The following FHIT variants were observed in gnomAD, a reference collection of about 807,000 sequenced individuals.
The protein encoded by FHIT is fragile histidine triad diadenosine triphosphatase.
In FHIT, 19 loss-of-function variants were observed where a neutral mutation model predicts 17.9. The ratio of observed to expected loss-of-function variants is 1.06; its 90% CI spans 0.74 to 1.56. The LOEUF (loss-of-function observed/expected upper bound fraction) is 1.56, where lower values mean the gene tolerates loss of function less well. FHIT is among the 40% of genes most tolerant of loss of function. The pLI, the probability that FHIT is intolerant of heterozygous loss-of-function variation, is 0.00. For missense variants in FHIT, 248 were observed against 189.2 expected (o/e 1.31, Z -1.82); for synonymous variants, 81 against 69.7 (o/e 1.16, Z -0.81).
chr3:60,604,400 C>T (rs1451807804), intron 4 of FHIT, among the ~76,000 whole-genome samples: 3 of 152,098 alleles, frequency 2.0e-5, no homozygotes, highest in African/African-American at 7.2e-5. Context: ...ACAAAGAAAT[C>T]AGTAATTAGA....
intron 2 of FHIT, among the ~76,000 whole-genome samples, chr3:61,043,007 AG>A (rs2033597235): frequency 6.6e-6 from 1 of 152,174 alleles, no homozygotes; most frequent in Admixed American, 6.5e-5. Context: ...ATGGCCGAAT[AG>A]GAACAACTCC....
chr3:61,239,776 T>C (rs879908363), intron 1 of FHIT, among the ~76,000 whole-genome samples: 7 of 138,594 alleles, frequency 5.1e-5, no homozygotes, highest in African/African-American at 1.1e-4. Context: ...TATATATATA[T>C]ATATATATAC....
chr3:59,842,318 C>G (rs560843451), intron 8 of FHIT, among the ~76,000 whole-genome samples: 5 of 152,166 alleles, frequency 3.3e-5, no homozygotes, highest in Non-Finnish European at 5.9e-5. Context: ...TCAATGGATA[C>G]TGAGTTGCTT....
At chr3:61,154,995 C>CAAT (rs1161674628) in intron 2 of FHIT, among the ~76,000 whole-genome samples, 1 of 152,212 alleles carries the variant, frequency 6.6e-6, no homozygotes, top group African/African-American at 2.4e-5. Flanking sequence ...CTGCCAAAGG[C>CAAT]AATACTCCCA....
At chr3:59,750,978 T>G (rs76124633) in intron 9 of FHIT, 2,102 of 185,872 alleles carry the variant, frequency 0.011, 45 homozygotes, top group African/African-American at 0.046. Context: ...ACATATTTAT[T>G]CACAGGTCAG....
chr3:60,061,485 C>G (rs570891404), intron 5 of FHIT, among the ~76,000 whole-genome samples: 1 of 152,324 alleles, frequency 6.6e-6, no homozygotes, highest in South Asian at 2.1e-4. Context: ...GGGTTTTTCA[C>G]ATTCCAAAAT....
chr3:59,982,171 G>C lies in FHIT; in HGVS notation c.279+29200C>G, dbSNP rs574718588. ...GTCTCTTTTCTCAAGCACTGCCTTA[G>C]CTTGTGAAGATGAGAGTGAGGAAGA... On this transcript the variant is annotated intron_variant, in intron 7 of 9. Coordinates refer to ENST00000492590, the MANE Select transcript of FHIT (RefSeq NM_002012.4). 3.3e-5 allele frequency among the ~76,000 whole-genome samples: 5 copies of C among 152,276 alleles called. No individual in the cohort carries two copies. The South Asian group carries it at 1.0e-3, about 32-fold the overall frequency.
intron 4 of FHIT, among the ~76,000 whole-genome samples, chr3:60,538,652 C>G (rs2036073445): frequency 6.6e-6 from 1 of 152,192 alleles, no homozygotes; most frequent in Non-Finnish European, 1.5e-5. Context: ...CTACAACTAT[C>G]TGATCTTTGA....
chr3:60,090,878 TC>T (rs1703702898), intron 5 of FHIT, among the ~76,000 whole-genome samples: 1 of 152,114 alleles, frequency 6.6e-6, no homozygotes, highest in Non-Finnish European at 1.5e-5. Context: ...CGGGGTAAGG[TC>T]CGCAAGGTGG....
intron 2 of FHIT, among the ~76,000 whole-genome samples, chr3:61,173,598 C>T (rs1336852439): frequency 6.6e-6 from 1 of 152,124 alleles, no homozygotes; most frequent in African/African-American, 2.4e-5. Context: ...TCTCATTTTC[C>T]AACAAGCTTT....
intron 3 of FHIT, among the ~76,000 whole-genome samples, chr3:60,953,573 C>T (rs1708984323): frequency 6.6e-6 from 1 of 152,264 alleles, no homozygotes; most frequent in East Asian, 1.9e-4. Flanking sequence ...GACTTGGCAG[C>T]TCCTTTTATC....
intron 8 of FHIT, among the ~76,000 whole-genome samples, chr3:59,873,861 T>C (rs1409035242): frequency 1.3e-5 from 2 of 152,164 alleles, no homozygotes; most frequent in Non-Finnish European, 2.9e-5. Flanking sequence ...ACAAACTAGA[T>C]TGGTTCCCTG....
chr3:61,099,446 A>G (rs113259291), intron 2 of FHIT, among the ~76,000 whole-genome samples: 8,601 of 152,148 alleles, frequency 0.057, 337 homozygotes, highest in Middle Eastern at 0.17. Flanking sequence ...TGAGTTAGGG[A>G]GGAGTCCCTC....
intron 3 of FHIT, among the ~76,000 whole-genome samples, chr3:60,985,740 G>A (rs527301652): frequency 6.6e-6 from 1 of 152,336 alleles, no homozygotes; most frequent in African/African-American, 2.4e-5. Context: ...ATTCCCAGGT[G>A]CGTTAGCTTC....
intron 4 of FHIT, among the ~76,000 whole-genome samples, chr3:60,672,874 C>CGTATGTGT (rs1553694317): frequency 7.2e-6 from 1 of 139,478 alleles, no homozygotes; most frequent in Non-Finnish European, 1.5e-5. Context: ...CTCTTTGTAG[C>CGTATGTGT]GTGTGTGTGT....
chr3:60,271,845 T>C (rs917259377), intron 5 of FHIT, among the ~76,000 whole-genome samples: 2 of 152,226 alleles, frequency 1.3e-5, no homozygotes, highest in South Asian at 4.1e-4. Flanking sequence ...GAGCAGATAG[T>C]AGAGGCTCCA....
intron 8 of FHIT, among the ~76,000 whole-genome samples, chr3:59,899,242 G>A (rs1373361901): frequency 2.0e-5 from 3 of 152,212 alleles, no homozygotes; most frequent in African/African-American, 7.2e-5. Flanking sequence ...AGATGATGTA[G>A]GTCAAACACT....
At chr3:59,836,879 A>G (rs1701357788) in intron 8 of FHIT, among the ~76,000 whole-genome samples, 1 of 152,202 alleles carries the variant, frequency 6.6e-6, no homozygotes, top group Non-Finnish European at 1.5e-5. Context: ...CTGCAAAGGC[A>G]GAATGGCCCA....
rs568256726 is a variant in FHIT, at chr3:60,547,478, G to C, written c.-17-10499C>G. 3.3e-5 allele frequency among the ~76,000 whole-genome samples: 5 copies of C among 152,214 alleles called. No individual in the cohort carries two copies. The South Asian group carries it at 8.3e-4, about 25-fold the overall frequency. ...TGAAAAAAAAGGTCTCACATTTCTA[G>C]CCGATTACTTTCTTCTTTATTTTTT... On this transcript the variant is annotated intron_variant, in intron 4 of 9. Coordinates refer to ENST00000492590, the MANE Select transcript of FHIT (RefSeq NM_002012.4).
Sources: gnomAD v4.1 joint callset for allele counts (sites outside exome capture counted in the v4.1 genomes callset) on GRCh38, gnomAD v4.1.1 for gene constraint, MANE v1.5 for transcripts, NCBI Gene and HGNC (gene_info 2026-07-23, HGNC 2026-07-21) for gene names.